The following SP1 variants were observed in gnomAD, a reference collection of about 807,000 sequenced individuals.
SP1 encodes Sp1 transcription factor, also known as transcription factor Sp1.
In SP1, 6 loss-of-function variants were observed where a neutral mutation model predicts 66.3. The ratio of observed to expected loss-of-function variants is 0.09; its 90% CI spans 0.05 to 0.18. The LOEUF is 0.18. Among genes scored for constraint, SP1 ranks in the 10% least tolerant of loss-of-function variants. The pLI is 1.00. For synonymous variants in SP1, 417 were observed against 360.8 expected (o/e 1.16, Z -1.77); for missense variants, 848 against 964.5 (o/e 0.88, Z 1.60).
intron 4 of SP1, among the ~76,000 whole-genome samples, 159 bp from the exon 5 acceptor site, chr12:53,409,203 C>T (rs967244358): frequency 5.3e-5 from 8 of 150,330 alleles, no homozygotes; most frequent in East Asian, 1.9e-4. Flanking sequence ...CCAGCCTGGA[C>T]GACAGAGTGA....
chr12:53,408,916 A>G (rs565226333), intron 4 of SP1, among the ~76,000 whole-genome samples: 1 of 149,796 alleles, frequency 6.7e-6, no homozygotes, highest in African/African-American at 2.5e-5. Flanking sequence ...AAAACAAACA[A>G]ACGAACAAAA....
chr12:53,395,719 GCA>G (rs1365830129), intron 3 of SP1, among the ~76,000 whole-genome samples: 1 of 151,818 alleles, frequency 6.6e-6, no homozygotes, highest in African/African-American at 2.4e-5. Context: ...TGTAATCCCA[GCA>G]CTTTGGGAGG....
intron 4 of SP1, among the ~76,000 whole-genome samples, chr12:53,409,092 G>A (rs1419519004): frequency 6.6e-6 from 1 of 151,638 alleles, no homozygotes; most frequent in African/African-American, 2.4e-5. Context: ...GGGCATGGTG[G>A]TGTGCACCTG....
chr12:53,405,692 A>AAG (rs1938717208), intron 3 of SP1, among the ~76,000 whole-genome samples: 2 of 148,090 alleles, frequency 1.4e-5, no homozygotes, highest in African/African-American at 5.2e-5. Context: ...AGAGAGAGAG[A>AAG]GAGAAGGAAG....
intron 3 of SP1, among the ~76,000 whole-genome samples, chr12:53,399,434 C>T (rs746987414): frequency 1.3e-5 from 2 of 149,988 alleles, no homozygotes; most frequent in East Asian, 2.0e-4. Flanking sequence ...CGCGAGTTCA[C>T]GCCATTCTTC....
chr12:53,400,127 A>G (rs1210073564), intron 3 of SP1, among the ~76,000 whole-genome samples: 1 of 152,178 alleles, frequency 6.6e-6, no homozygotes, highest in Non-Finnish European at 1.5e-5. Context: ...CATTTTGATC[A>G]TCCAACAAAG....
intron 3 of SP1, among the ~76,000 whole-genome samples, chr12:53,386,243 G>A (rs899801888): frequency 1.4e-4 from 22 of 152,080 alleles, no homozygotes; most frequent in African/African-American, 5.3e-4. Context: ...AAAGTACTGT[G>A]TGTGGTTAGG....
In SP1 at chr12:53,383,153, G is replaced by A. The variant is rs1938147927; in HGVS notation, c.1206G>A (p.Gln402=). ...QQTQQQQILI[Q]PQLVQGGQAL... ...CACAGCAGCAACAAATTCTTATCCAGCCTCAGCTAGTTCAAGGGGGACAGG... is the reference window on the plus strand; with the variant it reads ...CACAGCAGCAACAAATTCTTATCCAACCTCAGCTAGTTCAAGGGGGACAGG... Residue 402 remains glutamine (Q), a synonymous_variant, in exon 3 of 6, where the codon CAG becomes CAA. Transcript: ENST00000327443. 1 of 1,614,096 alleles carries A rather than the reference G, an allele frequency of 6.2e-7. No homozygotes were observed.
chr12:53,396,195 G>A (rs1235515580), intron 3 of SP1, among the ~76,000 whole-genome samples: 1 of 151,386 alleles, frequency 6.6e-6, no homozygotes, highest in East Asian at 1.9e-4. Flanking sequence ...GCAGGAGAAT[G>A]GCGTGAACCC....
At position 53,383,669 on chromosome 12, in the gene SP1, C is replaced by T. The variant is rs764704739; in HGVS notation, c.1675+47C>T. 42 of 1,477,222 alleles carry T rather than the reference C, an allele frequency of 2.8e-5. No individual in the cohort carries two copies. The Admixed American group carries it at 4.1e-4, about 15-fold the overall frequency. 91.5% of individuals were successfully genotyped at this position (1,477,222 alleles called of 1,614,324 possible). A position where few individuals can be genotyped will look rare whatever the true frequency, so the allele number is the denominator to read the frequency against. ...ATTTATTGGGAACCAACTCTAGCAT[C>T]GTAGCTGAAACTTGAGTCTAAAGAA... On this transcript the variant is annotated intron_variant, in intron 3 of 5. Transcript: ENST00000327443.
intron 5 of SP1, among the ~76,000 whole-genome samples, 188 bp from the exon 6 acceptor site, chr12:53,410,739 C>T (rs1424059219): frequency 6.6e-6 from 1 of 152,046 alleles, no homozygotes; most frequent in Non-Finnish European, 1.5e-5. Flanking sequence ...GTGATCTGCC[C>T]GCCTTGGCCT....
intron 3 of SP1, among the ~76,000 whole-genome samples, chr12:53,389,316 G>A (rs1016421498): frequency 6.7e-6 from 1 of 149,554 alleles, no homozygotes; most frequent in African/African-American, 2.5e-5. Flanking sequence ...TTGCCTCCTG[G>A]GTTCAAGCAA....
intron 3 of SP1, among the ~76,000 whole-genome samples, chr12:53,393,637 G>A (rs950888113): frequency 2.1e-5 from 3 of 140,992 alleles, no homozygotes; most frequent in African/African-American, 8.0e-5. Flanking sequence ...TCCTCTTGTT[G>A]CCCAGGCTGG....
chr12:53,391,937 C>CT (rs1271310363), intron 3 of SP1, among the ~76,000 whole-genome samples: 6 of 151,888 alleles, frequency 4.0e-5, no homozygotes, highest in Non-Finnish European at 7.4e-5. Context: ...TGATTTCATT[C>CT]TTTTTTATGG....
intron 3 of SP1, among the ~76,000 whole-genome samples, chr12:53,392,286 T>A (rs1938371014): frequency 6.6e-6 from 1 of 151,856 alleles, no homozygotes; most frequent in South Asian, 2.1e-4. Context: ...GTTCAAGTGA[T>A]TCTCCTGCCT....
In SP1 at chr12:53,413,643, A is replaced by C. The variant is rs1189767176; in HGVS notation, c.*2403A>C. 6.6e-6 allele frequency: 1 copy of C among 152,624 alleles called. No homozygotes were observed. Among genetic ancestry groups the C allele is most frequent in the Non-Finnish European group, 1.5e-5 (1 of 68,036 alleles). 9.5% of individuals were successfully genotyped at this position (152,624 alleles called of 1,614,324 possible). ...ATACCCTTTATTCTCACTGAAAGGC[A>C]GAACTCAGAACCTGTTATTTTATGT... On this transcript the variant is annotated 3_prime_UTR_variant, in exon 6 of 6. Coordinates refer to ENST00000327443, the MANE Select transcript of SP1 (RefSeq NM_138473.3).
chr12:53,409,624 C>A, intron 5 of SP1, 63 bp downstream of exon 5: 1 of 1,304,324 alleles, frequency 7.7e-7, no homozygotes, highest in Non-Finnish European at 1.1e-6. Context: ...ACAAAATATA[C>A]CTACAAAATA....
intron 4 of SP1, among the ~76,000 whole-genome samples, chr12:53,407,073 C>T (rs1404465468): frequency 6.6e-6 from 1 of 151,898 alleles, no homozygotes; most frequent in African/African-American, 2.4e-5. Flanking sequence ...ATCTGCCCGC[C>T]TCGGCCTCCT....
In SP1 at chr12:53,383,139, C is replaced by G; in HGVS notation, c.1192C>G (p.Gln398Glu). 6.2e-7 allele frequency: 1 copy of G among 1,614,218 alleles called. No homozygotes were observed. The highest frequency in any genetic ancestry group is 8.5e-7 in the Non-Finnish European group (1 of 1,180,048). Reference sequence around the variant, plus strand: ...GCAAAACCAGCAGACACAGCAGCAACAAATTCTTATCCAGCCTCAGCTAGT... The same window carrying G: ...GCAAAACCAGCAGACACAGCAGCAAGAAATTCTTATCCAGCCTCAGCTAGT... ...GEQNQQTQQQ[Q>E]ILIQPQLVQG... The change falls in exon 3 of 6, where the codon CAA (glutamine) becomes GAA (glutamate). Residue 398 changes from glutamine (Q) to glutamate (E), a missense_variant. Around this residue, in one of 7 missense-constraint regions of SP1, gnomAD observed 606 missense variants for 589.9 expected, o/e 1.03. Transcript: ENST00000327443.
Sources: allele counts gnomAD v4.1 joint callset (sites outside exome capture counted in the v4.1 genomes callset), GRCh38; gene constraint gnomAD v4.1.1; regional missense constraint gnomAD v4.1.1; transcripts MANE v1.5; gene names NCBI Gene and HGNC (gene_info 2026-07-23, HGNC 2026-07-21).